The following KMT2C variants were observed in gnomAD, a reference collection of about 807,000 sequenced individuals.
KMT2C encodes lysine methyltransferase 2C.
A neutral mutation model predicts 507.9 loss-of-function variants in KMT2C; 88 were observed. The ratio of observed to expected loss-of-function variants is 0.17; its 90% CI spans 0.15 to 0.21. The LOEUF (loss-of-function observed/expected upper bound fraction) is 0.21. KMT2C is among the 10% of genes least tolerant of loss of function. The probability of loss-of-function intolerance (pLI) is 1.00; values close to 1 mark genes in which losing one functional copy is unlikely to be tolerated. For synonymous variants in KMT2C, 2,049 were observed against 2,080.8 expected (o/e 0.98, Z 0.42); for missense variants, 4,954 against 5,957.8 (o/e 0.83, Z 5.55).
chr7:152,328,878 T>C (rs778912254), intron 3 of KMT2C, among the ~76,000 whole-genome samples: 1 of 152,098 alleles, frequency 6.6e-6, no homozygotes, highest in South Asian at 2.1e-4. Context: ...CATTATTTAT[T>C]GAAATGAGGA....
intron 52 of KMT2C, 57 bp downstream of exon 52, chr7:152,147,976 C>G (rs905696500): frequency 3.4e-6 from 5 of 1,474,822 alleles, no homozygotes; most frequent in Non-Finnish European, 4.5e-6. Flanking sequence ...AAAATACATT[C>G]ATTAGCCTGA....
At chr7:152,394,824 C>T (rs1165146569) in intron 1 of KMT2C, among the ~76,000 whole-genome samples, 2 of 152,122 alleles carry the variant, frequency 1.3e-5, no homozygotes, top group Non-Finnish European at 2.9e-5. Flanking sequence ...AATTTAGCAA[C>T]TATCGACAAC....
chr7:152,368,442 G>C (rs1449861523), intron 1 of KMT2C: 3 of 1,173,604 alleles, frequency 2.6e-6, no homozygotes, highest in Non-Finnish European at 3.7e-6. Context: ...TAGAGATGAA[G>C]GTCAAATAAA....
intron 2 of KMT2C, among the ~76,000 whole-genome samples, chr7:152,358,278 G>A (rs921651486): frequency 2.6e-5 from 4 of 151,998 alleles, no homozygotes; most frequent in African/African-American, 9.7e-5. Context: ...TCATAGGCCA[G>A]AATATACTAT....
chr7:152,318,417 A>G (rs1301254633), intron 3 of KMT2C, among the ~76,000 whole-genome samples: 5 of 151,934 alleles, frequency 3.3e-5, no homozygotes, highest in African/African-American at 1.2e-4. Context: ...TCTGGCCAAC[A>G]TGGTGAAGCA....
chr7:152,232,885 A>C (rs1293119798), intron 16 of KMT2C, among the ~76,000 whole-genome samples: 1 of 152,326 alleles, frequency 6.6e-6, no homozygotes, highest in African/African-American at 2.4e-5. Context: ...AAATAGAGAT[A>C]AAGTATCTAT....
At chr7:152,149,474 G>GA (rs1224235069) in intron 51 of KMT2C, among the ~76,000 whole-genome samples, 1 of 152,132 alleles carries the variant, frequency 6.6e-6, no homozygotes, top group East Asian at 1.9e-4. Flanking sequence ...ACCAGAAAAA[G>GA]AAAAAACACA....
rs768958433 is a variant in KMT2C at position 152,156,374 on chromosome 7, T to C, written c.11671-28A>G. 3 of 1,612,320 alleles carry C rather than the reference T, an allele frequency of 1.9e-6. No homozygotes were observed. The East Asian group carries it at 6.7e-5, about 36-fold the overall frequency. ...GCAGGAGACCAAAAAATTTAAATTA[T>C]ATGCTACTGAGCGAATATGCAATGA... On this transcript the variant is annotated intron_variant, in intron 44 of 58. Coordinates refer to ENST00000262189, the MANE Select transcript of KMT2C (RefSeq NM_170606.3).
chr7:152,290,334 G>A (rs773323371), intron 6 of KMT2C, among the ~76,000 whole-genome samples: 4 of 101,822 alleles, frequency 3.9e-5, no homozygotes, highest in African/African-American at 1.5e-4. Flanking sequence ...TGTCTGAGAT[G>A]GAGTCTCACT....
intron 3 of KMT2C, among the ~76,000 whole-genome samples, chr7:152,323,596 G>A (rs1314854061): frequency 6.7e-6 from 1 of 149,748 alleles, no homozygotes; most frequent in African/African-American, 2.5e-5. Context: ...TTGTGAGCAT[G>A]GCACTGTACT....
At chr7:152,338,060 G>A (rs1186609084) in intron 2 of KMT2C, among the ~76,000 whole-genome samples, 1 of 151,890 alleles carries the variant, frequency 6.6e-6, no homozygotes, top group Non-Finnish European at 1.5e-5. Context: ...GGGTTTCACT[G>A]TGTTAGCCAG....
In KMT2C at chr7:152,367,908, G is replaced by GTGAT. The variant is rs1343324820; in HGVS notation, c.162-9237_162-9234dup. ...GTTTATGAAGCGTTCGCATGAAAAA[G>GTGAT]TGATTATCATCCAACTTATTGCCAA... On this transcript the variant is annotated intron_variant, in intron 1 of 58. Transcript: ENST00000262189. The GTGAT allele has an allele frequency of 6.7e-6, 7 of 1,043,716 alleles. No individual in the cohort carries two copies. In the South Asian group the frequency reaches 8.9e-5, roughly 13 times the overall value. The allele number at this position is 1,043,716 out of a possible 1,614,324, so 64.7% of individuals were successfully genotyped here.
chr7:152,392,378 A>G (rs1369695927), intron 1 of KMT2C, among the ~76,000 whole-genome samples: 1 of 152,226 alleles, frequency 6.6e-6, no homozygotes, highest in African/African-American at 2.4e-5. Context: ...GTAAAAATAC[A>G]GCTTTTAAAA....
At chr7:152,257,632 C>T (rs1427461977) in intron 9 of KMT2C, among the ~76,000 whole-genome samples, 1 of 152,046 alleles carries the variant, frequency 6.6e-6, no homozygotes, top group Non-Finnish European at 1.5e-5. Flanking sequence ...AACAGACATG[C>T]AAGAATGAGA....
chr7:152,414,224 A>C (rs1206858127), intron 1 of KMT2C, among the ~76,000 whole-genome samples: 2 of 149,604 alleles, frequency 1.3e-5, no homozygotes, highest in Non-Finnish European at 3.0e-5. Context: ...AAAAAAAAAA[A>C]TGCATATGAA....
rs2093896907 is a variant in KMT2C at position 152,194,249 on chromosome 7, C to T, written c.4520G>A (p.Gly1507Glu). Residue 1507 changes from glycine to glutamate, a missense_variant, in exon 30 of 59, where the codon GGA becomes GAA. Transcript: ENST00000262189. ...DKMVTDGAILGKLYKIPELGG... is the reference protein window; with the variant it reads ...DKMVTDGAILEKLYKIPELGG... ...TTTACCTGGAATTTTATATAATTTT[C>T]CAAGAATTGCTCCTAGAATAAATTA... is the stretch of plus-strand genomic sequence containing the variant. 6.6e-7 allele frequency: 1 copy of T among 1,508,872 alleles called. No homozygotes were observed. Among genetic ancestry groups the T allele is most frequent in the Non-Finnish European group, 9.0e-7 (1 of 1,110,098 alleles). 93.5% of individuals were successfully genotyped at this position (1,508,872 alleles called of 1,614,324 possible). A position where few individuals can be genotyped will look rare whatever the true frequency, so the allele number is the denominator to read the frequency against.
Position 152,181,900 on chromosome 7 carries a change from G to T in KMT2C, c.5960C>A (p.Ser1987Tyr). Residue 1987 changes from serine to tyrosine, a missense_variant, in exon 36 of 59, where the codon TCT (serine) becomes TAT (tyrosine). Around this residue, in one of 29 missense-constraint regions of KMT2C, gnomAD observed 1,689 missense variants for 1,654.3 expected, o/e 1.02. Transcript: ENST00000262189. Reference protein sequence around the residue: ...QFPKSLGLSRSPVVSEQTAKG... With the variant: ...QFPKSLGLSRYPVVSEQTAKG... ...TGCAGTTTGTTCTGAAACTACAGGAGACCGGGATAGGCCCAAGGATTTGGG... is the reference window on the plus strand; with the variant it reads ...TGCAGTTTGTTCTGAAACTACAGGATACCGGGATAGGCCCAAGGATTTGGG... 1 of 1,614,180 alleles carries T rather than the reference G, an allele frequency of 6.2e-7. No homozygotes were observed. Among genetic ancestry groups the T allele is most frequent in the Non-Finnish European group, 8.5e-7 (1 of 1,180,036 alleles).
chr7:152,376,442 G>A (rs76469910), intron 1 of KMT2C, among the ~76,000 whole-genome samples: 276 of 152,272 alleles, frequency 1.8e-3, no homozygotes, highest in Non-Finnish European at 2.8e-3. Flanking sequence ...TCAGCCAATT[G>A]TGAATGTAAA....
chr7:152,234,970 C>T (rs2095235104), intron 16 of KMT2C, among the ~76,000 whole-genome samples: 1 of 152,082 alleles, frequency 6.6e-6, no homozygotes, highest in Non-Finnish European at 1.5e-5. Flanking sequence ...AAAGGGAGTA[C>T]ACTGTTAACA....
Sources: allele counts gnomAD v4.1 joint callset (sites outside exome capture counted in the v4.1 genomes callset), GRCh38; gene constraint gnomAD v4.1.1; regional missense constraint gnomAD v4.1.1; transcripts MANE v1.5; gene names NCBI Gene and HGNC (gene_info 2026-07-23, HGNC 2026-07-21).